The following NLGN4X variants were observed in gnomAD, a reference collection of about 807,000 sequenced individuals.
NLGN4X encodes the protein neuroligin 4 X-linked.
NLGN4X carries 3 observed loss-of-function variants against 40.3 expected under a neutral mutation model. That is an observed-to-expected ratio of 0.07 (90% CI 0.03 to 0.19). The LOEUF (loss-of-function observed/expected upper bound fraction) is 0.19. Among genes scored for constraint, NLGN4X ranks in the 10% least tolerant of loss-of-function variants. The pLI is 1.00. For synonymous variants in NLGN4X, 270 were observed against 306.8 expected, an observed-to-expected ratio of 0.88 and a Z score of 1.25; for missense variants, 382 against 708.3, an observed-to-expected ratio of 0.54 and a Z score of 5.23.
At chrX:5,991,989 T>C (rs2035697175) in intron 3 of NLGN4X, among the ~76,000 whole-genome samples, 1 of 112,206 alleles carries the variant, frequency 8.9e-6, no homozygotes, top group African/African-American at 3.2e-5. Flanking sequence ...AATTCTAATT[T>C]AGGCCTTTTC....
At chrX:5,966,655 T>G (rs1216892616) in intron 3 of NLGN4X, among the ~76,000 whole-genome samples, 1 of 112,335 alleles carries the variant, frequency 8.9e-6, no homozygotes, top group East Asian at 2.8e-4. Flanking sequence ...TATTTAAATA[T>G]CCTCCCCAAA....
chrX:6,158,335 G>C (rs1333194568), intron 1 of NLGN4X, among the ~76,000 whole-genome samples: 1 of 111,483 alleles, frequency 9.0e-6, no homozygotes, highest in Non-Finnish European at 1.9e-5. Context: ...CCATGCTTTT[G>C]TTTCATATTT....
chrX:6,168,323 T>A (rs1234007070), intron 1 of NLGN4X, among the ~76,000 whole-genome samples: 1 of 108,383 alleles, frequency 9.2e-6, no homozygotes, highest in African/African-American at 3.3e-5. Context: ...GCGAGTGCTA[T>A]CTTAAGACTA....
chrX:6,108,941 A>T (rs914036439), intron 2 of NLGN4X, among the ~76,000 whole-genome samples: 1 of 111,016 alleles, frequency 9.0e-6, no homozygotes, highest in African/African-American at 3.3e-5. Context: ...TTTTAATCTC[A>T]TTCTTATTTC....
chrX:5,943,385 C>G (rs113791263), intron 3 of NLGN4X, among the ~76,000 whole-genome samples: 10 of 111,794 alleles, frequency 8.9e-5, no homozygotes, highest in African/African-American at 2.9e-4. Context: ...ACAGAAATCA[C>G]CCTTGGGTGA....
intron 2 of NLGN4X, among the ~76,000 whole-genome samples, chrX:6,045,913 A>G (rs1049829072): frequency 1.8e-5 from 2 of 111,725 alleles, no homozygotes; most frequent in African/African-American, 6.5e-5. Flanking sequence ...GACAAAATAA[A>G]GTCACTCCTG....
Position 6,151,295 on chromosome X carries a change from G to T in NLGN4X, c.172C>A (p.Leu58Ile). 1 of 1,211,898 alleles carries T rather than the reference G, an allele frequency of 8.3e-7. No homozygotes were observed. The highest frequency in any genetic ancestry group is 1.1e-6 in the Non-Finnish European group (1 of 895,571). ...ATCTCATTGGGTAACGGTGTTCTTA[G>T]GCCCCGGATTTTGCCATAATTTGTG... ...VNTNYGKIRG[L>I]RTPLPNEILG... is the part of the protein sequence containing the mutation. The change falls in exon 2 of 6, where the codon CTA (leucine) becomes ATA (isoleucine). Residue 58 changes from leucine (L) to isoleucine (I), a missense_variant. This residue lies in a region of NLGN4X where 115 missense variants were observed against 149.6 expected (regional missense o/e 0.77). Coordinates refer to ENST00000381095, the MANE Select transcript of NLGN4X (RefSeq NM_181332.3).
chrX:5,961,264 C>T (rs754798338), intron 3 of NLGN4X, among the ~76,000 whole-genome samples: 1 of 112,157 alleles, frequency 8.9e-6, no homozygotes, highest in African/African-American at 3.2e-5. Flanking sequence ...GATTGGCTTT[C>T]AGAATCTAAC....
At chrX:5,944,650 CA>C (rs750871231) in intron 3 of NLGN4X, among the ~76,000 whole-genome samples, 1,059 of 25,561 alleles carry the variant, frequency 0.041, 7 homozygotes, top group African/African-American at 0.092. Flanking sequence ...GACTCTGTCT[CA>C]AAAAAAAAAA....
intron 2 of NLGN4X, among the ~76,000 whole-genome samples, chrX:6,069,545 C>T (rs1040864031): frequency 8.9e-6 from 1 of 111,908 alleles, no homozygotes; most frequent in African/African-American, 3.2e-5. Flanking sequence ...GATCTAATAG[C>T]TTATCCAGAC....
At chrX:6,228,471 G>A (rs1251022230) in intron 1 of NLGN4X, 70 bp downstream of exon 1, 1 of 112,253 alleles carries the variant, frequency 8.9e-6, no homozygotes, top group African/African-American at 3.2e-5. Context: ...TTTGCTGCAA[G>A]TCAAAATGTT....
chrX:6,217,803 T>G (rs771119818), intron 1 of NLGN4X, among the ~76,000 whole-genome samples: 1 of 111,583 alleles, frequency 9.0e-6, no homozygotes, highest in South Asian at 3.8e-4. Context: ...TCATCCTTAC[T>G]GTTTGTTACT....
intron 3 of NLGN4X, among the ~76,000 whole-genome samples, chrX:6,003,441 T>C (rs2036021702): frequency 1.8e-5 from 2 of 111,505 alleles, no homozygotes; most frequent in Non-Finnish European, 3.8e-5. Flanking sequence ...ATGACCTTCG[T>C]TGTACTTTTT....
At chrX:5,909,285 G>T (rs765073870) in intron 3 of NLGN4X, 46 bp from the exon 4 acceptor site, 12 of 1,160,986 alleles carry the variant, frequency 1.0e-5, no homozygotes, top group Non-Finnish European at 1.4e-5. Context: ...TAGAAAAAGT[G>T]CATACGTGTC....
At chrX:6,079,286 C>T (rs1340702743) in intron 2 of NLGN4X, among the ~76,000 whole-genome samples, 1 of 112,128 alleles carries the variant, frequency 8.9e-6, no homozygotes, top group Admixed American at 9.5e-5. Flanking sequence ...AGCCCTATTA[C>T]TAATCTGGCT....
chrX:5,915,377 AC>A (rs2032740018), intron 3 of NLGN4X, among the ~76,000 whole-genome samples: 1 of 112,110 alleles, frequency 8.9e-6, no homozygotes, highest in Non-Finnish European at 1.9e-5. Flanking sequence ...ATAAAAAAAA[AC>A]TGAAATTGAT....
chrX:6,155,468 A>G (rs918111725), intron 1 of NLGN4X, among the ~76,000 whole-genome samples: 1 of 111,703 alleles, frequency 9.0e-6, no homozygotes, highest in African/African-American at 3.3e-5. Flanking sequence ...TGGAGACAAC[A>G]TTTTAGGGTA....
intron 2 of NLGN4X, among the ~76,000 whole-genome samples, chrX:6,084,786 T>C (rs745455644): frequency 5.4e-5 from 6 of 110,849 alleles, no homozygotes; most frequent in Non-Finnish European, 9.4e-5. Context: ...TTAAGCTCTT[T>C]GCCCTTCTGC....
At chrX:5,995,362 T>C (rs1390288481) in intron 3 of NLGN4X, among the ~76,000 whole-genome samples, 1 of 112,340 alleles carries the variant, frequency 8.9e-6, no homozygotes, top group Non-Finnish European at 1.9e-5. Context: ...TAGAACTTGA[T>C]TTGGAGCATT....
Sources: gnomAD v4.1 joint callset for allele counts (sites outside exome capture counted in the v4.1 genomes callset) on GRCh38, gnomAD v4.1.1 for gene constraint, gnomAD v4.1.1 regional missense constraint, MANE v1.5 for transcripts, NCBI Gene and HGNC (gene_info 2026-07-23, HGNC 2026-07-21) for gene names.